Variants in MAP3K20 observed in about 807,000 individuals in gnomAD.
The protein encoded by MAP3K20 is mitogen-activated protein kinase kinase kinase 20.
In MAP3K20, 40 loss-of-function variants were observed where a neutral mutation model predicts 85.7. That is an observed-to-expected ratio of 0.47 (90% CI 0.36 to 0.61). The LOEUF (loss-of-function observed/expected upper bound fraction) is 0.61, where lower values mean the gene tolerates loss of function less well. Among genes scored for constraint, MAP3K20 ranks in the 20% least tolerant of loss-of-function variants. The pLI is 0.00. For synonymous variants in MAP3K20, 325 were observed against 327.7 expected, an observed-to-expected ratio of 0.99 and a Z score of 0.09; for missense variants, 817 against 961.7, an observed-to-expected ratio of 0.85 and a Z score of 1.99.
chr2:173,205,915 TTG>T (rs1487115067), intron 9 of MAP3K20, among the ~76,000 whole-genome samples: 1 of 152,206 alleles, frequency 6.6e-6, no homozygotes, highest in Non-Finnish European at 1.5e-5. Context: ...TGCCTACACT[TTG>T]CAACTAGTTC....
intron 2 of MAP3K20, among the ~76,000 whole-genome samples, chr2:173,157,953 C>T (rs572416363): frequency 1.3e-5 from 2 of 152,256 alleles, no homozygotes; most frequent in South Asian, 2.1e-4. Context: ...TTAATTTTTC[C>T]TTGTTCGTTT....
At chr2:173,162,270 T>C (rs557487886) in intron 2 of MAP3K20, among the ~76,000 whole-genome samples, 181 of 152,306 alleles carry the variant, frequency 1.2e-3, no homozygotes, top group Middle Eastern at 0.01. Context: ...ATGCAGTTTT[T>C]GGAGAGAGCC....
rs1218656956 is a variant in MAP3K20 at position 173,266,755 on chromosome 2, T to C, written c.*5T>C. ...CGTGGATGGAGAAACTTTTGATGAA[T>C]TGAACTACATAGCTTTTCTAAGCAG... On this transcript the variant is annotated 3_prime_UTR_variant, in exon 20 of 20. Transcript: ENST00000375213. The C allele has an allele frequency of 4.2e-6, 6 of 1,435,908 alleles. No individual in the cohort carries two copies. Among genetic ancestry groups the C allele is most frequent in the South Asian group, 1.5e-5 (1 of 64,806 alleles). The allele number at this position is 1,435,908 out of a possible 1,614,324, so 88.9% of individuals were successfully genotyped here. A position where few individuals can be genotyped will look rare whatever the true frequency, so the allele number is the denominator to read the frequency against.
At chr2:173,108,857 A>G (rs893950506) in intron 2 of MAP3K20, among the ~76,000 whole-genome samples, 1 of 152,238 alleles carries the variant, frequency 6.6e-6, no homozygotes. Context: ...TTCTATTTTT[A>G]TAATCAGAAC....
At chr2:173,167,134 C>T (rs1388028343) in intron 2 of MAP3K20, among the ~76,000 whole-genome samples, 1 of 151,816 alleles carries the variant, frequency 6.6e-6, no homozygotes, top group Non-Finnish European at 1.5e-5. Context: ...CCAGGATGGT[C>T]TCGACCTCCT....
At chr2:173,226,752 TA>T in intron 11 of MAP3K20, 3 of 985,740 alleles carry the variant, frequency 3.0e-6, no homozygotes, top group Non-Finnish European at 3.6e-6. Context: ...TCAGATATGA[TA>T]CACTGCACAT....
At chr2:173,134,051 G>A (rs1245650485) in intron 2 of MAP3K20, among the ~76,000 whole-genome samples, 1 of 151,336 alleles carries the variant, frequency 6.6e-6, no homozygotes, top group Non-Finnish European at 1.5e-5. Flanking sequence ...AGTGGACTGG[G>A]GTTTGAGAAC....
At chr2:173,134,412 A>ATTTTTTTTTTTTTT in intron 2 of MAP3K20, among the ~76,000 whole-genome samples, 1 of 5,654 alleles carries the variant, frequency 1.8e-4, no homozygotes, top group Non-Finnish European at 4.8e-4. Context: ...ATATATATAT[A>ATTTTTTTTTTTTTT]TATATATATA....
rs748885525 is a variant in MAP3K20 at position 173,258,707 on chromosome 2, G to A, written c.1368G>A (p.Lys456=). ...LKPGTGPQDC[K]WKMYMEMDGD... is the part of the protein sequence containing the mutation. ...TTTGTTTTTAATTCCAGGATTGTAA[G>A]TGGAAAATGTATATGGAGATGGATG... is the stretch of plus-strand genomic sequence containing the variant. The change falls in exon 17 of 20, where the codon AAG becomes AAA. Residue 456 remains lysine (K), a synonymous_variant. Transcript: ENST00000375213. 6.3e-7 allele frequency: 1 copy of A among 1,597,486 alleles called. No individual in the cohort carries two copies. The highest frequency in any genetic ancestry group is 8.5e-7 in the Non-Finnish European group (1 of 1,169,742).
intron 2 of MAP3K20, among the ~76,000 whole-genome samples, chr2:173,093,125 T>C (rs1687349437): frequency 6.6e-6 from 1 of 152,220 alleles, no homozygotes; most frequent in Admixed American, 6.5e-5. Flanking sequence ...TAAAAAGTTA[T>C]GGCGAGGAGT....
chr2:173,236,408 G>A (rs1684650072), intron 14 of MAP3K20, among the ~76,000 whole-genome samples: 1 of 151,690 alleles, frequency 6.6e-6, no homozygotes, highest in Non-Finnish European at 1.5e-5. Context: ...TGACCCACTA[G>A]AGTGGAGTCA....
At chr2:173,145,696 G>T (rs1336556419) in intron 2 of MAP3K20, among the ~76,000 whole-genome samples, 1 of 152,096 alleles carries the variant, frequency 6.6e-6, no homozygotes, top group Admixed American at 6.5e-5. Context: ...TCTTTGGGAT[G>T]CTCTTTGCTG....
chr2:173,111,769 T>A (rs146375128), intron 2 of MAP3K20, among the ~76,000 whole-genome samples: 1 of 152,354 alleles, frequency 6.6e-6, no homozygotes, highest in East Asian at 1.9e-4. Context: ...CTCTATTCTG[T>A]TCCATTGGTC....
Position 173,267,158 on chromosome 2 carries a change from T to C in MAP3K20, c.*408T>C, listed in dbSNP as rs1441700945. The C allele has an allele frequency of 1.9e-5, 3 of 155,132 alleles. No individual in the cohort carries two copies. The highest frequency in any genetic ancestry group is 7.2e-5 in the African/African-American group (3 of 41,594). 9.6% of individuals were successfully genotyped at this position (155,132 alleles called of 1,614,324 possible). A position where few individuals can be genotyped will look rare whatever the true frequency, so the allele number is the denominator to read the frequency against. ...TTTTTCCTTTTGGCTGAGGCTGCAA[T>C]ATGGCCTGGCAAGGCACTGTTACTG... is the stretch of plus-strand genomic sequence containing the variant. On this transcript the variant is annotated 3_prime_UTR_variant, in exon 20 of 20. Transcript: ENST00000375213.
chr2:173,238,157 A>G (rs983334754), intron 14 of MAP3K20, among the ~76,000 whole-genome samples: 2 of 152,182 alleles, frequency 1.3e-5, no homozygotes, highest in African/African-American at 4.8e-5. Flanking sequence ...TCTCCAAAAT[A>G]AAAAATTTTT....
chr2:173,109,119 A>G lies in MAP3K20; in HGVS notation c.159+17929A>G, dbSNP rs1410461285. On this transcript the variant is annotated intron_variant, in intron 2 of 19. Coordinates refer to ENST00000375213, the MANE Select transcript of MAP3K20 (RefSeq NM_016653.3). ...TTTTCTTTCTCCGAATTTATTTGCT[A>G]TCATGAAGCTCAGCAGATACGTGAT... 4.9e-4 allele frequency among the ~76,000 whole-genome samples: 74 copies of G among 152,184 alleles called. 1 individual carries two copies. Among genetic ancestry groups the G allele is most frequent in the Admixed American group, 1.3e-4 (2 of 15,274 alleles).
chr2:173,200,362 G>A (rs1322531940), intron 8 of MAP3K20, among the ~76,000 whole-genome samples: 2 of 152,110 alleles, frequency 1.3e-5, no homozygotes, highest in African/African-American at 2.4e-5. Context: ...TTGAGGCTTT[G>A]ACTTAAACAT....
At chr2:173,229,627 G>T (rs1013164229) in intron 11 of MAP3K20, 62 bp from the exon 12 acceptor site, 4 of 1,603,550 alleles carry the variant, frequency 2.5e-6, no homozygotes, top group Middle Eastern at 1.7e-4. Flanking sequence ...ACAAGAGGAT[G>T]AACCAAAAAG....
At chr2:173,207,309 C>G (rs993944418) in intron 9 of MAP3K20, among the ~76,000 whole-genome samples, 15 of 152,104 alleles carry the variant, frequency 9.9e-5, no homozygotes, top group Non-Finnish European at 2.2e-4. Context: ...CCAGGCAACA[C>G]AGTGAAACCC....
Sources: allele counts gnomAD v4.1 joint callset (sites outside exome capture counted in the v4.1 genomes callset), GRCh38; gene constraint gnomAD v4.1.1; transcripts MANE v1.5; gene names NCBI Gene and HGNC (gene_info 2026-07-23, HGNC 2026-07-21).